HSD17B7: variants seen among roughly 807,000 people sequenced by gnomAD.
HSD17B7 encodes hydroxysteroid 17-beta dehydrogenase 7, also known as 3-keto-steroid reductase/17-beta-hydroxysteroid dehydrogenase 7.
Under a neutral mutation model 34.1 loss-of-function variants are expected in HSD17B7, and 17 were observed. The observed-to-expected ratio is 0.50, with a 90% CI of 0.34 to 0.75. HSD17B7 has a LOEUF of 0.75. Among genes scored for constraint, HSD17B7 ranks in the 30% least tolerant of loss-of-function variants. The pLI is 0.01. For synonymous variants in HSD17B7, 122 were observed against 154.6 expected, an observed-to-expected ratio of 0.79 and a Z score of 1.56; for missense variants, 296 against 406.6, an observed-to-expected ratio of 0.73 and a Z score of 2.34.
In HSD17B7 at chr1:162,806,748, T is replaced by C. The variant is rs1235280359; in HGVS notation, c.903+1256T>C. On this transcript the variant is annotated intron_variant, in intron 8 of 8. Transcript: ENST00000254521. The stretch of plus-strand genomic sequence containing the variant: ...TATCTATTAACTTAGAAGGAATGAT[T>C]TGTTTATCAAGGGGAAAATGTTTAG... Among the ~76,000 whole-genome samples, 7 of 152,330 alleles carry C rather than the reference T, an allele frequency of 4.6e-5. No homozygotes were observed. The East Asian group carries it at 1.4e-3, about 29-fold the overall frequency.
intron 8 of HSD17B7, among the ~76,000 whole-genome samples, chr1:162,809,763 T>C (rs1360651556): frequency 6.6e-6 from 1 of 152,112 alleles, no homozygotes; most frequent in South Asian, 2.1e-4. Context: ...TAGAGGTGTT[T>C]ATAGTATTCT....
chr1:162,795,350 G>A (rs575211826), intron 2 of HSD17B7, among the ~76,000 whole-genome samples: 1 of 152,142 alleles, frequency 6.6e-6, no homozygotes, highest in Non-Finnish European at 1.5e-5. Context: ...ATCCATATTA[G>A]AGCAATGTAT....
chr1:162,812,543 T>G lies in HSD17B7; in HGVS notation c.*123T>G, dbSNP rs568253614. On this transcript the variant is annotated 3_prime_UTR_variant, in exon 9 of 9. Transcript: ENST00000254521. ...AAATAAAAATAATAGCTGGGTGTGG[T>G]GGCATGCGCATGTAGTCCCAGCTAC... 2.1e-4 allele frequency: 178 copies of G among 835,180 alleles called. No individual in the cohort carries two copies. Among genetic ancestry groups the G allele is most frequent in the Non-Finnish European group, 3.0e-4 (165 of 555,634 alleles). The allele number at this position is 835,180 out of a possible 1,614,324, so 51.7% of individuals were successfully genotyped here.
At chr1:162,798,054 C>T in intron 4 of HSD17B7, 138 bp downstream of exon 4, 1 of 1,378,200 alleles carries the variant, frequency 7.3e-7, no homozygotes, top group South Asian at 1.8e-5. Flanking sequence ...TTGCATTTGC[C>T]TTGTTTATTG....
rs773111809 is a variant in HSD17B7, at chr1:162,803,499, G to T, written c.711G>T (p.Pro237=). The part of the protein sequence containing the change: ...LTNLTYGILP[P]FIWTLLMPAI... ...ATTTGACATATGGAATTCTGCCTCC[G>T]TTTATATGGACGCTGTTGATGCCGG... Residue 237 remains proline (P), a synonymous_variant, in exon 6 of 9, where the codon CCG becomes CCT. Coordinates refer to ENST00000254521, the MANE Select transcript of HSD17B7 (RefSeq NM_016371.4). 2.5e-6 allele frequency: 4 copies of T among 1,612,934 alleles called. No homozygotes were observed.
At chr1:162,810,498 A>G (rs1649139487) in intron 8 of HSD17B7, among the ~76,000 whole-genome samples, 2 of 152,052 alleles carry the variant, frequency 1.3e-5, no homozygotes, top group African/African-American at 4.8e-5. Flanking sequence ...CAATTCCTGG[A>G]TATCCTTGTT....
At chr1:162,792,986 G>A in intron 2 of HSD17B7, 124 bp downstream of exon 2, 1 of 838,238 alleles carries the variant, frequency 1.2e-6, no homozygotes, top group Non-Finnish European at 1.9e-6. Flanking sequence ...TGTTGAGGAA[G>A]TCTGTATAGG....
At chr1:162,800,955 A>G (rs762527076) in intron 5 of HSD17B7, among the ~76,000 whole-genome samples, 6 of 152,142 alleles carry the variant, frequency 3.9e-5, no homozygotes, top group Admixed American at 6.6e-5. Flanking sequence ...ATCAGGTGGT[A>G]TTCTGTGTTC....
chr1:162,804,222 C>T, intron 6 of HSD17B7, 45 bp from the exon 7 acceptor site: 1 of 1,436,094 alleles, frequency 7.0e-7, no homozygotes, highest in Non-Finnish European at 9.7e-7. Flanking sequence ...TTTCGTGACT[C>T]TATTCTAAAC....
intron 5 of HSD17B7, chr1:162,803,121 C>T (rs1190537666): frequency 2.2e-5 from 4 of 184,494 alleles, no homozygotes; most frequent in African/African-American, 9.4e-5. Context: ...ATAGGAAAAA[C>T]TCAGATAACC....
intron 5 of HSD17B7, chr1:162,803,223 A>G: frequency 5.2e-6 from 2 of 382,476 alleles, no homozygotes; most frequent in Non-Finnish European, 9.4e-6. Flanking sequence ...TAATTTTTGC[A>G]TCCTGGGTGC....
chr1:162,806,662 TGGGG>T (rs1433645973), intron 8 of HSD17B7, among the ~76,000 whole-genome samples: 1 of 152,238 alleles, frequency 6.6e-6, no homozygotes, highest in African/African-American at 2.4e-5. Flanking sequence ...AACATCCCTT[TGGGG>T]AATTCTATTG....
intron 5 of HSD17B7, among the ~76,000 whole-genome samples, chr1:162,802,602 ACTTC>A (rs1368702547): frequency 1.3e-5 from 2 of 152,220 alleles, no homozygotes; most frequent in South Asian, 2.1e-4. Context: ...TTAAACTGGC[ACTTC>A]CTATTTTTTT....
chr1:162,795,758 C>A (rs956956738), intron 2 of HSD17B7: 6 of 429,956 alleles, frequency 1.4e-5, no homozygotes, highest in African/African-American at 1.0e-4. Context: ...AGGAGATATT[C>A]TGAATATTTA....
intron 8 of HSD17B7, among the ~76,000 whole-genome samples, chr1:162,809,625 T>C (rs1649108892): frequency 6.6e-6 from 1 of 152,102 alleles, no homozygotes; most frequent in Admixed American, 6.5e-5. Context: ...AGGCTATTAA[T>C]TATTGCCTCA....
chr1:162,798,073 G>A (rs1418669277), intron 4 of HSD17B7, 157 bp downstream of exon 4: 1 of 1,275,430 alleles, frequency 7.8e-7, no homozygotes, highest in African/African-American at 1.5e-5. Flanking sequence ...TGTGAGCATG[G>A]AATACTTCTG....
chr1:162,811,272 C>A (rs191633632), intron 8 of HSD17B7, among the ~76,000 whole-genome samples: 1 of 152,074 alleles, frequency 6.6e-6, no homozygotes, highest in Non-Finnish European at 1.5e-5. Flanking sequence ...TGTTGAATAT[C>A]GGCCCCCACT....
chr1:162,795,218 C>A (rs1457032296), intron 2 of HSD17B7, among the ~76,000 whole-genome samples: 1 of 152,178 alleles, frequency 6.6e-6, no homozygotes, highest in Admixed American at 6.5e-5. Flanking sequence ...CTAAAGAGAG[C>A]TTGAGAATCC....
At chr1:162,808,091 A>G (rs1649049216) in intron 8 of HSD17B7, among the ~76,000 whole-genome samples, 1 of 152,090 alleles carries the variant, frequency 6.6e-6, no homozygotes, top group African/African-American at 2.4e-5. Flanking sequence ...TAGGGTTTTT[A>G]TGGTTTTAGG....
Sources: allele counts gnomAD v4.1 joint callset (sites outside exome capture counted in the v4.1 genomes callset), GRCh38; gene constraint gnomAD v4.1.1; transcripts MANE v1.5; gene names NCBI Gene and HGNC (gene_info 2026-07-23, HGNC 2026-07-21).